INPP4B: variants seen among roughly 807,000 people sequenced by gnomAD.
The protein encoded by INPP4B is inositol polyphosphate-4-phosphatase type II B.
INPP4B carries 55 observed loss-of-function variants against 122.5 expected under a neutral mutation model. The observed-to-expected ratio is 0.45, with a 90% CI of 0.36 to 0.56. INPP4B has a LOEUF of 0.56. Among genes scored for constraint, INPP4B ranks in the 20% least tolerant of loss-of-function variants. The probability of loss-of-function intolerance (pLI) is 0.00; values close to 1 mark genes in which losing one functional copy is unlikely to be tolerated. For missense variants in INPP4B, 1,000 were observed against 1,097.7 expected (o/e 0.91, Z 1.26); for synonymous variants, 403 against 388.7 (o/e 1.04, Z -0.43).
At chr4:142,368,550 T>C (rs994542893) in intron 7 of INPP4B, among the ~76,000 whole-genome samples, 2 of 152,094 alleles carry the variant, frequency 1.3e-5, no homozygotes, top group African/African-American at 4.8e-5. Context: ...ACACCGAAGC[T>C]ACAGAGCAGT....
At chr4:142,499,350 A>C (rs80211289) in intron 2 of INPP4B, among the ~76,000 whole-genome samples, 4,215 of 152,172 alleles carry the variant, frequency 0.028, 134 homozygotes, top group Admixed American at 0.068. Context: ...AAATATCTGA[A>C]AACAAGGAGT....
intron 2 of INPP4B, among the ~76,000 whole-genome samples, chr4:142,534,871 A>T (rs1341309090): frequency 6.6e-6 from 1 of 151,966 alleles, no homozygotes; most frequent in Non-Finnish European, 1.5e-5. Context: ...TTCTATAATT[A>T]TCTAAGAGTA....
chr4:142,102,246 A>G (rs1245710189), intron 23 of INPP4B, among the ~76,000 whole-genome samples: 1 of 152,056 alleles, frequency 6.6e-6, no homozygotes, highest in Non-Finnish European at 1.5e-5. Flanking sequence ...AGGACACAGA[A>G]AACCTTAATA....
chr4:142,730,619 T>C (rs1304830428), intron 1 of INPP4B, among the ~76,000 whole-genome samples: 1 of 152,228 alleles, frequency 6.6e-6, no homozygotes, highest in African/African-American at 2.4e-5. Context: ...TTGGACTCTG[T>C]TGATTTTATC....
At chr4:142,592,582 C>T (rs1373001771) in intron 2 of INPP4B, among the ~76,000 whole-genome samples, 1 of 152,122 alleles carries the variant, frequency 6.6e-6, no homozygotes, top group Non-Finnish European at 1.5e-5. Context: ...TTTCTTCTTT[C>T]TATTTCTATG....
chr4:142,333,013 A>AC (rs1406195401), intron 7 of INPP4B, among the ~76,000 whole-genome samples: 26 of 147,698 alleles, frequency 1.8e-4, no homozygotes, highest in African/African-American at 2.8e-4. Flanking sequence ...TCCGTCTCAA[A>AC]AAAAAAAAAA....
chr4:142,403,191 A>G (rs1252686219), intron 6 of INPP4B, 137 bp from the exon 7 acceptor site: 4 of 648,190 alleles, frequency 6.2e-6, no homozygotes, highest in Non-Finnish European at 1.1e-5. Context: ...AAGAGATCTG[A>G]ATTGTCAAAT....
intron 2 of INPP4B, among the ~76,000 whole-genome samples, chr4:142,651,260 G>C (rs1752906880): frequency 6.6e-6 from 1 of 152,194 alleles, no homozygotes; most frequent in East Asian, 1.9e-4. Context: ...ATGCCTGCAA[G>C]AGAAAGAAGG....
intron 15 of INPP4B, among the ~76,000 whole-genome samples, chr4:142,188,516 A>ATATATATAT (rs1381172815): frequency 2.5e-4 from 29 of 116,194 alleles, no homozygotes; most frequent in African/African-American, 7.8e-4. Context: ...AAAAAGAAAA[A>ATATATATAT]AAATATATAT....
chr4:142,129,612 T>C (rs576066671), intron 18 of INPP4B, among the ~76,000 whole-genome samples: 1 of 152,258 alleles, frequency 6.6e-6, no homozygotes, highest in South Asian at 2.1e-4. Context: ...GAAACTAGGC[T>C]AATTCCAGAC....
At chr4:142,435,690 C>A (rs1234211697) in intron 3 of INPP4B, among the ~76,000 whole-genome samples, 1 of 152,174 alleles carries the variant, frequency 6.6e-6, no homozygotes, top group Non-Finnish European at 1.5e-5. Context: ...GGGAGGGGAG[C>A]CCCCATACCC....
At chr4:142,548,297 C>A (rs770919829) in intron 2 of INPP4B, among the ~76,000 whole-genome samples, 5 of 152,058 alleles carry the variant, frequency 3.3e-5, no homozygotes, top group Admixed American at 1.3e-4. Flanking sequence ...CAAGTAGTGA[C>A]CTGAGAGTTT....
At chr4:142,167,697 C>T (rs1259168948) in intron 16 of INPP4B, among the ~76,000 whole-genome samples, 1 of 151,598 alleles carries the variant, frequency 6.6e-6, no homozygotes, top group Non-Finnish European at 1.5e-5. Context: ...TAGTATGTTA[C>T]AAAGGACGTA....
intron 16 of INPP4B, among the ~76,000 whole-genome samples, chr4:142,161,755 G>A (rs1240415364): frequency 6.6e-6 from 1 of 151,894 alleles, no homozygotes; most frequent in East Asian, 1.9e-4. Context: ...TGTTATATAT[G>A]CATAGTTACT....
intron 2 of INPP4B, among the ~76,000 whole-genome samples, chr4:142,633,000 TA>T (rs1053559673): frequency 1.3e-5 from 2 of 151,638 alleles, no homozygotes; most frequent in Non-Finnish European, 2.9e-5. Flanking sequence ...CATCTCAATT[TA>T]AAAAACATGT....
chr4:142,055,050 T>C (rs1756860645), intron 25 of INPP4B, among the ~76,000 whole-genome samples: 1 of 152,062 alleles, frequency 6.6e-6, no homozygotes, highest in Admixed American at 6.6e-5. Flanking sequence ...AGACTCCACT[T>C]ACTTACTAGT....
intron 2 of INPP4B, among the ~76,000 whole-genome samples, chr4:142,488,707 T>G (rs1301320750): frequency 6.6e-6 from 1 of 152,146 alleles, no homozygotes; most frequent in African/African-American, 2.4e-5. Context: ...TATATTCCTC[T>G]TAATATCTTT....
chr4:142,397,786 C>T lies in INPP4B; in HGVS notation c.372+5152G>A, dbSNP rs148958568. On this transcript the variant is annotated intron_variant, in intron 7 of 25. Transcript: ENST00000262992. ...CCTGGGAGGTGGAGGTTGCAGTAAG[C>T]CAACATTGAGCCACTGCATTCCAGC... 4.5e-3 allele frequency among the ~76,000 whole-genome samples: 679 copies of T among 151,890 alleles called. 5 individuals carry two copies. Among genetic ancestry groups the T allele is most frequent in the African/African-American group, 0.016 (664 of 41,402 alleles).
intron 23 of INPP4B, among the ~76,000 whole-genome samples, chr4:142,086,705 AG>A (rs1776983302): frequency 6.6e-6 from 1 of 152,180 alleles, no homozygotes; most frequent in Admixed American, 6.5e-5. Context: ...AGGGTGTCTG[AG>A]GACAACCATA....
Sources: gnomAD v4.1 joint callset for allele counts (sites outside exome capture counted in the v4.1 genomes callset) on GRCh38, gnomAD v4.1.1 for gene constraint, MANE v1.5 for transcripts, NCBI Gene and HGNC (gene_info 2026-07-23, HGNC 2026-07-21) for gene names.